The following FNDC3B variants were observed in gnomAD, a reference collection of about 807,000 sequenced individuals.
FNDC3B encodes fibronectin type III domain containing 3B.
FNDC3B carries 12 observed loss-of-function variants against 151.5 expected under a neutral mutation model. The ratio of observed to expected loss-of-function variants is 0.08; its 90% confidence interval spans 0.05 to 0.13. FNDC3B has a LOEUF of 0.13. Ranked by LOEUF, FNDC3B falls within the 10% of genes least tolerant of loss-of-function variation. The pLI, the probability that FNDC3B is intolerant of heterozygous loss-of-function variation, is 1.00. For synonymous variants in FNDC3B, 528 were observed against 549.0 expected (o/e 0.96, Z 0.54); for missense variants, 1,214 against 1,505.3 (o/e 0.81, Z 3.20).
chr3:172,267,125 A>G (rs1728959831), intron 6 of FNDC3B, among the ~76,000 whole-genome samples: 1 of 152,046 alleles, frequency 6.6e-6, no homozygotes, highest in Non-Finnish European at 1.5e-5. Flanking sequence ...CTCTCTTTAG[A>G]GAAGCAGTTT....
At position 172,194,490 on chromosome 3, in the gene FNDC3B, G is replaced by A. The variant is rs543361473; in HGVS notation, c.188-32381G>A. The stretch of plus-strand genomic sequence containing the variant: ...TCACTCCAAAGTTATTGTTTTCTGC[G>A]TCTGGATTCTACCTTACTGCTTCTA... On this transcript the variant is annotated intron_variant, in intron 3 of 25. Transcript: ENST00000415807. 3.3e-5 allele frequency among the ~76,000 whole-genome samples: 5 copies of A among 152,218 alleles called. No individual in the cohort carries two copies. The East Asian group carries it at 7.7e-4, about 23-fold the overall frequency.
chr3:172,261,169 C>T (rs984029274), intron 6 of FNDC3B, among the ~76,000 whole-genome samples: 2 of 152,130 alleles, frequency 1.3e-5, no homozygotes, highest in Admixed American at 6.5e-5. Flanking sequence ...TGCTACATTG[C>T]GGAAGGGGTC....
At chr3:172,174,923 T>TG (rs1560001424) in intron 3 of FNDC3B, among the ~76,000 whole-genome samples, 3 of 25,590 alleles carry the variant, frequency 1.2e-4, no homozygotes, top group Non-Finnish European at 1.8e-4. Context: ...TTGGAGACCT[T>TG]CCCCCCGCCA....
intron 3 of FNDC3B, among the ~76,000 whole-genome samples, chr3:172,188,077 C>T (rs1476517556): frequency 6.7e-6 from 1 of 149,142 alleles, no homozygotes; most frequent in Non-Finnish European, 1.5e-5. Context: ...CTCACTGCAA[C>T]CTCCGCCTCC....
At chr3:172,114,045 A>G (rs1417954247) in intron 2 of FNDC3B, among the ~76,000 whole-genome samples, 1 of 152,172 alleles carries the variant, frequency 6.6e-6, no homozygotes, top group Non-Finnish European at 1.5e-5. Flanking sequence ...CCCACCAGAA[A>G]GCAGTCTCCA....
chr3:172,290,709 A>G (rs1308475796), intron 7 of FNDC3B, among the ~76,000 whole-genome samples: 1 of 152,246 alleles, frequency 6.6e-6, no homozygotes, highest in Admixed American at 6.5e-5. Flanking sequence ...AAAGATAAAC[A>G]GTAGTGCATC....
At chr3:172,164,877 T>C (rs1722936150) in intron 3 of FNDC3B, among the ~76,000 whole-genome samples, 1 of 152,198 alleles carries the variant, frequency 6.6e-6, no homozygotes, top group South Asian at 2.1e-4. Context: ...TGAATGTAGA[T>C]GAATTTAAGT....
At chr3:172,060,939 G>A (rs974220499) in intron 1 of FNDC3B, among the ~76,000 whole-genome samples, 3 of 152,164 alleles carry the variant, frequency 2.0e-5, no homozygotes, top group African/African-American at 7.2e-5. Flanking sequence ...AAGATAGAAA[G>A]GTTTTTCTTG....
chr3:172,154,305 T>G (rs1261257653), intron 3 of FNDC3B, among the ~76,000 whole-genome samples: 1 of 152,174 alleles, frequency 6.6e-6, no homozygotes. Flanking sequence ...AACCTCCACC[T>G]TCTGGGTTCA....
At chr3:172,101,772 T>C (rs982948022) in intron 1 of FNDC3B, among the ~76,000 whole-genome samples, 1 of 152,242 alleles carries the variant, frequency 6.6e-6, no homozygotes, top group African/African-American at 2.4e-5. Flanking sequence ...GACATAACTT[T>C]AGCAATTTAT....
chr3:172,399,849 G>A lies in FNDC3B; in HGVS notation c.*2374G>A, dbSNP rs1736488654. 1 of 151,926 alleles carries A rather than the reference G, an allele frequency of 6.6e-6. No homozygotes were observed. The highest frequency in any genetic ancestry group is 2.1e-4 in the South Asian group (1 of 4,802). The allele number at this position is 151,926 out of a possible 1,614,324, so 9.4% of individuals were successfully genotyped here. ...CTAATTGGTTGAATTTTTTTTTTAA[G>A]TAAATAGTACTTTAGGCCAAAATTT... is the stretch of plus-strand genomic sequence containing the variant. On this transcript the variant is annotated 3_prime_UTR_variant, in exon 26 of 26. Transcript: ENST00000415807.
At chr3:172,077,739 A>G (rs1032010639) in intron 1 of FNDC3B, among the ~76,000 whole-genome samples, 3 of 152,174 alleles carry the variant, frequency 2.0e-5, no homozygotes, top group African/African-American at 7.2e-5. Flanking sequence ...CCCAAAAAAG[A>G]AAACTTGAAT....
At chr3:172,101,939 T>G (rs1405808873) in intron 1 of FNDC3B, among the ~76,000 whole-genome samples, 1 of 152,218 alleles carries the variant, frequency 6.6e-6, no homozygotes, top group African/African-American at 2.4e-5. Context: ...AAAAACTCAA[T>G]TGTAGCCTTT....
At chr3:172,126,955 C>T (rs952070325) in intron 2 of FNDC3B, 2 of 454,532 alleles carry the variant, frequency 4.4e-6, no homozygotes, top group Middle Eastern at 3.3e-4. Flanking sequence ...ACTCTTGTTG[C>T]CGGGACACAC....
chr3:172,251,441 T>A lies in FNDC3B; in HGVS notation c.690T>A (p.Ser230Arg). The change falls in exon 6 of 26, where the codon AGT becomes AGA. Residue 230 changes from serine to arginine, a missense_variant. By Grantham distance (110) the Ser-to-Arg change is moderately radical. This residue lies in a region of FNDC3B where 166 missense variants were observed against 173.2 expected (regional missense o/e 0.96). Coordinates refer to ENST00000415807, the MANE Select transcript of FNDC3B (RefSeq NM_022763.4). ...ACAATGGCTATGGGAAGGGCCATAG[T>A]GGTGGAAGTGGCGGAGGCGGCAGCG... Reference protein sequence around the residue: ...TVYNGYGKGHSGGSGGGGSGS... With the variant: ...TVYNGYGKGHRGGSGGGGSGS... The A allele has an allele frequency of 6.2e-7, 1 of 1,613,970 alleles. No individual in the cohort carries two copies.
intron 3 of FNDC3B, among the ~76,000 whole-genome samples, chr3:172,145,811 CTTTTTTTT>C (rs34361134): frequency 1.8e-5 from 2 of 114,176 alleles, no homozygotes; most frequent in Non-Finnish European, 3.6e-5. Context: ...AGGTTTCTTT[CTTTTTTTT>C]TTTTTTTTTT....
At chr3:172,309,476 C>T (rs894995045) in intron 10 of FNDC3B, among the ~76,000 whole-genome samples, 2 of 142,324 alleles carry the variant, frequency 1.4e-5, no homozygotes, top group Non-Finnish European at 3.1e-5. Context: ...GATGGGTTCT[C>T]ATCTTAGAGA....
rs188046493 is a variant in FNDC3B, at chr3:172,253,949, T to G, written c.790+2408T>G. Among the ~76,000 whole-genome samples the G allele has an allele frequency of 2.7e-4, 41 of 152,274 alleles. No homozygotes were observed. In the East Asian group the frequency reaches 7.7e-3, roughly 29 times the overall value. ...CATGTGCCACCACACCCTGCTAATTTTTGTATTTTTGGTAGAGATGGGGTT... is the reference window on the plus strand; with the variant it reads ...CATGTGCCACCACACCCTGCTAATTGTTGTATTTTTGGTAGAGATGGGGTT... On this transcript the variant is annotated intron_variant, in intron 6 of 25. Coordinates refer to ENST00000415807, the MANE Select transcript of FNDC3B (RefSeq NM_022763.4).
intron 4 of FNDC3B, among the ~76,000 whole-genome samples, chr3:172,235,957 T>C (rs1229772444): frequency 2.0e-5 from 3 of 152,212 alleles, no homozygotes; most frequent in Non-Finnish European, 4.4e-5. Flanking sequence ...TGATGGGTAA[T>C]GGACAGGTAC....
Sources: allele counts gnomAD v4.1 joint callset (sites outside exome capture counted in the v4.1 genomes callset), GRCh38; gene constraint gnomAD v4.1.1; regional missense constraint gnomAD v4.1.1; transcripts MANE v1.5; gene names NCBI Gene and HGNC (gene_info 2026-07-23, HGNC 2026-07-21).